PCDH9: variants seen among roughly 807,000 people sequenced by gnomAD.
PCDH9 encodes the protein protocadherin-9.
PCDH9 carries 24 observed loss-of-function variants against 70.6 expected under a neutral mutation model. The observed-to-expected ratio is 0.34, with a 90% CI of 0.25 to 0.48. The LOEUF is 0.48. Among genes scored for constraint, PCDH9 ranks in the 20% least tolerant of loss-of-function variants. The probability of loss-of-function intolerance (pLI) is 0.99; values close to 1 mark genes in which losing one functional copy is unlikely to be tolerated. For missense variants in PCDH9, 1,281 were observed against 1,503.6 expected (o/e 0.85, Z 2.45); for synonymous variants, 562 against 558.5 (o/e 1.01, Z -0.09).
chr13:66,843,170 C>T (rs1403482427), intron 3 of PCDH9, among the ~76,000 whole-genome samples: 1 of 152,162 alleles, frequency 6.6e-6, no homozygotes, highest in Non-Finnish European at 1.5e-5. Flanking sequence ...AGAAGGGGTG[C>T]TACTGTATTC....
chr13:67,070,997 T>A (rs2085750634), intron 2 of PCDH9, among the ~76,000 whole-genome samples: 1 of 152,098 alleles, frequency 6.6e-6, no homozygotes, highest in South Asian at 2.1e-4. Context: ...TCTAGCAAAT[T>A]GAGGCAATAA....
chr13:67,196,254 T>C (rs1364420846), intron 2 of PCDH9, among the ~76,000 whole-genome samples: 1 of 152,110 alleles, frequency 6.6e-6, no homozygotes, highest in Non-Finnish European at 1.5e-5. Context: ...CCAGGTATAG[T>C]AGCGCTAATA....
In PCDH9 at chr13:67,230,077, A is replaced by T. The variant is rs894579052; in HGVS notation, c.-433T>A. On this transcript the variant is annotated 5_prime_UTR_variant, in exon 1 of 5. Coordinates refer to ENST00000377865, the MANE Select transcript of PCDH9 (RefSeq NM_203487.3). ...ATAGTTGCACTTCTTCAGCTCAGGGATATTTTCCACAGCAGCATGCATACC... is the reference window on the plus strand; with the variant it reads ...ATAGTTGCACTTCTTCAGCTCAGGGTTATTTTCCACAGCAGCATGCATACC... 3 of 152,232 alleles carry T rather than the reference A, an allele frequency of 2.0e-5. No homozygotes were observed. Among genetic ancestry groups the T allele is most frequent in the Non-Finnish European group, 2.9e-5 (2 of 68,086 alleles). 9.4% of individuals were successfully genotyped at this position (152,232 alleles called of 1,614,324 possible). A position where few individuals can be genotyped will look rare whatever the true frequency, so the allele number is the denominator to read the frequency against.
chr13:66,620,122 C>T (rs2077404442), intron 4 of PCDH9, among the ~76,000 whole-genome samples: 1 of 152,072 alleles, frequency 6.6e-6, no homozygotes, highest in African/African-American at 2.4e-5. Flanking sequence ...CTCAATTTTT[C>T]CTTTCATCTC....
At chr13:66,837,170 C>T (rs1016151612) in intron 3 of PCDH9, among the ~76,000 whole-genome samples, 2 of 152,174 alleles carry the variant, frequency 1.3e-5, no homozygotes, top group Admixed American at 6.5e-5. Flanking sequence ...ATACTGTTAG[C>T]TGATGCTTTT....
chr13:66,934,558 G>GAAGAA (rs1555288047), intron 2 of PCDH9, among the ~76,000 whole-genome samples: 3 of 134,818 alleles, frequency 2.2e-5, no homozygotes, highest in Admixed American at 7.6e-5. Flanking sequence ...AAAAAAAAAA[G>GAAGAA]AAAAAGAAAA....
intron 2 of PCDH9, chr13:67,216,420 T>A (rs546673288): frequency 1.8e-4 from 27 of 151,992 alleles, no homozygotes; most frequent in African/African-American, 6.3e-4. Context: ...AAATGATGAT[T>A]TTGTATAAAT....
chr13:66,557,926 A>AGGAT (rs562572689), intron 4 of PCDH9, among the ~76,000 whole-genome samples: 114 of 152,266 alleles, frequency 7.5e-4, no homozygotes, highest in African/African-American at 2.5e-3. Context: ...CCAAGACTGG[A>AGGAT]GGATCGCTTC....
At chr13:67,163,793 A>T (rs2088028691) in intron 2 of PCDH9, among the ~76,000 whole-genome samples, 1 of 152,198 alleles carries the variant, frequency 6.6e-6, no homozygotes, top group Middle Eastern at 3.2e-3. Flanking sequence ...CAAATGGTTA[A>T]TTCTTTTCTT....
At chr13:67,110,656 A>G (rs1325437952) in intron 2 of PCDH9, among the ~76,000 whole-genome samples, 1 of 152,214 alleles carries the variant, frequency 6.6e-6, no homozygotes, top group Non-Finnish European at 1.5e-5. Flanking sequence ...TAATATTTAT[A>G]ATCTCACAAC....
intron 2 of PCDH9, among the ~76,000 whole-genome samples, chr13:67,179,346 T>G (rs574887564): frequency 1.3e-5 from 2 of 152,190 alleles, no homozygotes; most frequent in South Asian, 4.1e-4. Flanking sequence ...ACAACTAATC[T>G]TTGTGATGGG....
chr13:66,939,195 C>A (rs1043169230), intron 2 of PCDH9, among the ~76,000 whole-genome samples: 7 of 151,826 alleles, frequency 4.6e-5, no homozygotes, highest in Admixed American at 1.3e-4. Flanking sequence ...CACTGTCAAT[C>A]ATTAAAAACA....
chr13:66,798,817 GT>G (rs34941327), intron 3 of PCDH9, among the ~76,000 whole-genome samples: 127,785 of 150,658 alleles, frequency 0.85, 58,082 homozygotes, highest in South Asian at 1. Context: ...CCTGTTCCTC[GT>G]TTTTTTTTTC....
chr13:66,970,054 G>A (rs938848946), intron 2 of PCDH9, among the ~76,000 whole-genome samples: 2 of 151,978 alleles, frequency 1.3e-5, no homozygotes, highest in East Asian at 3.9e-4. Context: ...CACTCTGAAA[G>A]AGGAAATGGA....
At position 66,779,851 on chromosome 13, in the gene PCDH9, A is replaced by ATG. The variant is rs1566189399; in HGVS notation, c.3138+123652_3138+123653insCA. 7.9e-5 allele frequency among the ~76,000 whole-genome samples: 3 copies of ATG among 37,846 alleles called. 1 individual carries two copies. Among genetic ancestry groups the ATG allele is most frequent in the Non-Finnish European group, 1.2e-4 (2 of 17,122 alleles). 24.8% of individuals were successfully genotyped at this position (37,846 alleles called of 152,430 possible). On this transcript the variant is annotated intron_variant, in intron 3 of 4. Coordinates refer to ENST00000377865, the MANE Select transcript of PCDH9 (RefSeq NM_203487.3). ...TCTCTCTCTCTCTCTCTCTCTCTCT[A>ATG]TATATATATATATATACATATATGT...
At chr13:67,089,800 T>C (rs2086180504) in intron 2 of PCDH9, among the ~76,000 whole-genome samples, 1 of 152,068 alleles carries the variant, frequency 6.6e-6, no homozygotes, top group African/African-American at 2.4e-5. Flanking sequence ...TTTTCAGATG[T>C]TGATAGAGAG....
intron 3 of PCDH9, among the ~76,000 whole-genome samples, chr13:66,751,628 A>G (rs1322439209): frequency 6.6e-6 from 1 of 152,232 alleles, no homozygotes; most frequent in Non-Finnish European, 1.5e-5. Context: ...CCAAAGCAGC[A>G]TAGTTCAATA....
At chr13:66,790,451 C>G (rs968227031) in intron 3 of PCDH9, among the ~76,000 whole-genome samples, 1 of 151,940 alleles carries the variant, frequency 6.6e-6, no homozygotes, top group African/African-American at 2.4e-5. Flanking sequence ...ATGTATTAAC[C>G]TTTTCTGCAT....
At chr13:66,743,896 C>T (rs1019487233) in intron 3 of PCDH9, among the ~76,000 whole-genome samples, 7 of 151,852 alleles carry the variant, frequency 4.6e-5, no homozygotes, top group East Asian at 1.9e-4. Context: ...ATGTATTAGA[C>T]GTAATGCCTG....
Sources: allele counts gnomAD v4.1 joint callset (sites outside exome capture counted in the v4.1 genomes callset), GRCh38; gene constraint gnomAD v4.1.1; transcripts MANE v1.5; gene names NCBI Gene and HGNC (gene_info 2026-07-23, HGNC 2026-07-21).